The following LPP variants were observed in gnomAD, a reference collection of about 807,000 sequenced individuals.
The protein encoded by LPP is LIM domain containing preferred translocation partner in lipoma.
In LPP, 38 loss-of-function variants were observed where a neutral mutation model predicts 60.4. The observed-to-expected ratio is 0.63, with a 90% CI of 0.49 to 0.83. The LOEUF is 0.83. LPP is among the 40% of genes least tolerant of loss of function. The pLI is 0.00. For synonymous variants in LPP, 328 were observed against 290.8 expected, an observed-to-expected ratio of 1.13 and a Z score of -1.30; for missense variants, 902 against 783.6, an observed-to-expected ratio of 1.15 and a Z score of -1.80.
At chr3:188,420,380 A>G (rs1398383120) in intron 4 of LPP, among the ~76,000 whole-genome samples, 2 of 152,212 alleles carry the variant, frequency 1.3e-5, no homozygotes, top group African/African-American at 2.4e-5. Flanking sequence ...CTATAAGTAC[A>G]GTTAAAATGT....
At chr3:188,540,846 A>C (rs982670694) in intron 6 of LPP, among the ~76,000 whole-genome samples, 1 of 152,198 alleles carries the variant, frequency 6.6e-6, no homozygotes, top group Non-Finnish European at 1.5e-5. Context: ...TCTGAAATAG[A>C]TTATCTACCT....
In LPP at chr3:188,882,659, G is replaced by A. The variant is rs1182806690; in HGVS notation, c.*8180G>A. 1 of 217,098 alleles carries A rather than the reference G, an allele frequency of 4.6e-6. No individual in the cohort carries two copies. Among genetic ancestry groups the A allele is most frequent in the African/African-American group, 2.3e-5 (1 of 44,368 alleles). 13.4% of individuals were successfully genotyped at this position (217,098 alleles called of 1,614,324 possible). A position where few individuals can be genotyped will look rare whatever the true frequency, so the allele number is the denominator to read the frequency against. Reference sequence around the variant, plus strand: ...ATCTCTATTTTCCTATTGAGTCTGAGTCCATTATTAGAAAGGACTTCCCAG... The same window carrying A: ...ATCTCTATTTTCCTATTGAGTCTGAATCCATTATTAGAAAGGACTTCCCAG... On this transcript the variant is annotated 3_prime_UTR_variant, in exon 12 of 12. Transcript: ENST00000617246.
At chr3:188,449,976 T>C (rs577045751) in intron 4 of LPP, among the ~76,000 whole-genome samples, 138 of 152,100 alleles carry the variant, frequency 9.1e-4, no homozygotes, top group African/African-American at 3.2e-3. Flanking sequence ...GGCTAATTTT[T>C]GTATTTTTAG....
chr3:188,887,826 C>T lies in LPP; in HGVS notation c.*13347C>T, dbSNP rs1770854681. ...AGCAAAATTATTTTTAAAAGACTTT[C>T]TTCCTTTTACTACCCATTTCCTCTC... On this transcript the variant is annotated 3_prime_UTR_variant, in exon 12 of 12. Coordinates refer to ENST00000617246, the MANE Select transcript of LPP (RefSeq NM_001375462.1). 4.8e-6 allele frequency: 1 copy of T among 210,310 alleles called. No individual in the cohort carries two copies. Among genetic ancestry groups the T allele is most frequent in the African/African-American group, 2.3e-5 (1 of 44,090 alleles). 13.0% of individuals were successfully genotyped at this position (210,310 alleles called of 1,614,324 possible).
chr3:188,597,825 T>C (rs1255216934), intron 6 of LPP, among the ~76,000 whole-genome samples: 1 of 152,144 alleles, frequency 6.6e-6, no homozygotes, highest in Non-Finnish European at 1.5e-5. Context: ...AAAAAACTAA[T>C]TTATTGAATA....
intron 8 of LPP, among the ~76,000 whole-genome samples, chr3:188,753,629 T>G (rs1728886546): frequency 6.6e-6 from 1 of 151,518 alleles, no homozygotes; most frequent in Non-Finnish European, 1.5e-5. Context: ...TGTTTTTTGT[T>G]TTTTTTTACT....
chr3:188,192,416 G>C (rs977245976), intron 1 of LPP, among the ~76,000 whole-genome samples: 1 of 152,176 alleles, frequency 6.6e-6, no homozygotes, highest in Non-Finnish European at 1.5e-5. Context: ...AGGGAAGAAA[G>C]GAGAAAGAGC....
intron 2 of LPP, among the ~76,000 whole-genome samples, chr3:188,331,432 C>A (rs1013109743): frequency 1.3e-5 from 2 of 152,216 alleles, no homozygotes; most frequent in Non-Finnish European, 2.9e-5. Flanking sequence ...TGGACAGCTT[C>A]ATGTTTAATG....
At chr3:188,386,087 A>G (rs1455975729) in intron 3 of LPP, among the ~76,000 whole-genome samples, 1 of 152,182 alleles carries the variant, frequency 6.6e-6, no homozygotes, top group Non-Finnish European at 1.5e-5. Context: ...GGTGAACAAA[A>G]AAAAGTATGA....
At chr3:188,776,240 G>C (rs1737736571) in intron 9 of LPP, among the ~76,000 whole-genome samples, 1 of 152,220 alleles carries the variant, frequency 6.6e-6, no homozygotes, top group Admixed American at 6.5e-5. Context: ...GAGAGGAGGG[G>C]ACTGGCATCG....
chr3:188,169,990 G>A (rs1721080885), intron 1 of LPP, among the ~76,000 whole-genome samples: 1 of 152,356 alleles, frequency 6.6e-6, no homozygotes, highest in African/African-American at 2.4e-5. Flanking sequence ...GATAGACTGT[G>A]TAGGCAGAGA....
chr3:188,522,444 C>A (rs1474657983), intron 5 of LPP, among the ~76,000 whole-genome samples: 1 of 151,982 alleles, frequency 6.6e-6, no homozygotes, highest in Non-Finnish European at 1.5e-5. Flanking sequence ...CTGTGTTTAC[C>A]CAAAAGATAG....
intron 2 of LPP, among the ~76,000 whole-genome samples, chr3:188,291,862 G>GGT (rs1746100514): frequency 6.6e-6 from 1 of 152,034 alleles, no homozygotes; most frequent in Non-Finnish European, 1.5e-5. Context: ...AGCAGTTCTG[G>GGT]ATGCAAACCC....
At chr3:188,607,452 A>G (rs1034787347) in intron 6 of LPP, among the ~76,000 whole-genome samples, 10 of 145,142 alleles carry the variant, frequency 6.9e-5, no homozygotes, top group African/African-American at 1.0e-4. Flanking sequence ...CGTGCCTTAC[A>G]TCACGGGAGC....
intron 6 of LPP, among the ~76,000 whole-genome samples, chr3:188,580,518 G>T (rs74555849): frequency 0.018 from 2,708 of 152,216 alleles, 79 homozygotes; most frequent in African/African-American, 0.062. Context: ...TTATTGAAAG[G>T]TCCTTATGAA....
intron 4 of LPP, among the ~76,000 whole-genome samples, chr3:188,411,721 C>A (rs1784922871): frequency 6.6e-6 from 1 of 152,060 alleles, no homozygotes; most frequent in Non-Finnish European, 1.5e-5. Context: ...ACCACCCCAC[C>A]CCCAAAAATA....
intron 2 of LPP, among the ~76,000 whole-genome samples, chr3:188,270,144 A>G (rs1273857173): frequency 1.3e-5 from 2 of 152,160 alleles, no homozygotes; most frequent in Admixed American, 1.3e-4. Flanking sequence ...AATAGGCAAA[A>G]GAGAACTTTT....
At chr3:188,624,657 G>A (rs1846422298) in intron 7 of LPP, among the ~76,000 whole-genome samples, 1 of 152,090 alleles carries the variant, frequency 6.6e-6, no homozygotes, top group East Asian at 1.9e-4. Flanking sequence ...GAGTCAAGTA[G>A]AAATATCCTT....
intron 3 of LPP, among the ~76,000 whole-genome samples, chr3:188,369,213 A>G (rs113818825): frequency 0.011 from 1,703 of 152,260 alleles, 29 homozygotes; most frequent in African/African-American, 0.037. Flanking sequence ...TAACCTAGTG[A>G]TAGCAACAAA....
Sources: allele counts gnomAD v4.1 joint callset (sites outside exome capture counted in the v4.1 genomes callset), GRCh38; gene constraint gnomAD v4.1.1; transcripts MANE v1.5; gene names NCBI Gene and HGNC (gene_info 2026-07-23, HGNC 2026-07-21).